FBXL13: variants seen among roughly 807,000 people sequenced by gnomAD.
The protein encoded by FBXL13 is F-box and leucine rich repeat protein 13.
In FBXL13, 67 loss-of-function variants were observed where a neutral mutation model predicts 83.6. That is an observed-to-expected ratio of 0.80 (90% CI 0.66 to 0.98). FBXL13 has a LOEUF of 0.98. FBXL13 is among the 50% of genes least tolerant of loss of function. The probability of loss-of-function intolerance (pLI) is 0.00; values close to 1 mark genes in which losing one functional copy is unlikely to be tolerated. For missense variants in FBXL13, 822 were observed against 866.5 expected (o/e 0.95, Z 0.64); for synonymous variants, 272 against 299.5 (o/e 0.91, Z 0.95).
chr7:102,911,865 TTAAACAAATATGAATGTTAGA>T (rs1814742243), intron 11 of FBXL13, among the ~76,000 whole-genome samples: 1 of 152,166 alleles, frequency 6.6e-6, no homozygotes, highest in Admixed American at 6.5e-5. Context: ...CAGATCAGTT[TTAAACAAATATGAATGTTAGA>T]TGTTTACAGC....
intron 11 of FBXL13, among the ~76,000 whole-genome samples, chr7:102,905,599 C>A (rs1454192723): frequency 1.3e-5 from 2 of 152,034 alleles, no homozygotes; most frequent in Admixed American, 6.6e-5. Context: ...AGAGTTTAGT[C>A]CATTTACATT....
chr7:103,035,137 G>T (rs1024125790), intron 2 of FBXL13, among the ~76,000 whole-genome samples: 1 of 152,208 alleles, frequency 6.6e-6, no homozygotes, highest in African/African-American at 2.4e-5. Flanking sequence ...GCAAGGGAAA[G>T]GAAGAGTATT....
intron 6 of FBXL13, among the ~76,000 whole-genome samples, chr7:102,981,973 G>C (rs568031350): frequency 6.6e-6 from 1 of 152,134 alleles, no homozygotes; most frequent in Admixed American, 6.5e-5. Context: ...GTGAGGCTGA[G>C]GGGGGCAGAT....
intron 1 of FBXL13, among the ~76,000 whole-genome samples, chr7:103,067,788 A>G (rs546841739): frequency 6.6e-6 from 1 of 152,388 alleles, no homozygotes; most frequent in East Asian, 1.9e-4. Context: ...AGGCAATAAT[A>G]AAATGAATAC....
chr7:103,004,102 G>A (rs1376792737), intron 6 of FBXL13, among the ~76,000 whole-genome samples: 5 of 152,184 alleles, frequency 3.3e-5, no homozygotes, highest in Admixed American at 6.5e-5. Flanking sequence ...CCTGTTTGCT[G>A]TTTTTATGAA....
chr7:102,824,785 CT>C (rs57237364), intron 18 of FBXL13, among the ~76,000 whole-genome samples: 192 of 124,062 alleles, frequency 1.5e-3, no homozygotes, highest in Admixed American at 3.9e-3. Context: ...CATGCCCGGC[CT>C]TTTTTTTTTT....
In FBXL13 at chr7:103,028,594, ATTTACT is replaced by A. The variant is rs761120662; in HGVS notation, c.217_217+5del. 1 of 1,555,238 alleles carries A rather than the reference ATTTACT, an allele frequency of 6.4e-7. No individual in the cohort carries two copies. The highest frequency in any genetic ancestry group is 1.3e-5 in the South Asian group (1 of 79,536). On this transcript the variant is annotated splice_donor_variant and splice_donor_5th_base_variant and coding_sequence_variant and intron_variant, in exon 4 of 20. Coordinates refer to ENST00000313221, the Ensembl canonical transcript of FBXL13. LOFTEE classifies it high-confidence loss of function. ...AAAAAGTAATTGCTACTATGTAAGA[ATTTACT>A]TTTAAGTTTTTCTTTCTGGTCTTCC...
intron 6 of FBXL13, among the ~76,000 whole-genome samples, chr7:102,982,406 A>G (rs943024411): frequency 1.3e-5 from 2 of 152,096 alleles, no homozygotes; most frequent in African/African-American, 4.8e-5. Context: ...AGAGTATCAT[A>G]TATTGGACTG....
chr7:102,865,314 A>C (rs1454816405), intron 16 of FBXL13, among the ~76,000 whole-genome samples: 2 of 152,232 alleles, frequency 1.3e-5, no homozygotes, highest in Non-Finnish European at 2.9e-5. Context: ...TCTTTCAGAA[A>C]TAAAGAACAA....
chr7:103,059,060 G>T (rs1049988328), intron 1 of FBXL13, among the ~76,000 whole-genome samples: 4 of 152,192 alleles, frequency 2.6e-5, no homozygotes, highest in South Asian at 4.1e-4. Context: ...AGGAGTTCAG[G>T]ACTACCCGGG....
chr7:102,910,491 C>T (rs979945682), intron 11 of FBXL13, among the ~76,000 whole-genome samples: 1 of 151,680 alleles, frequency 6.6e-6, no homozygotes, highest in Non-Finnish European at 1.5e-5. Context: ...TTCAGCGTGG[C>T]TCGGGCTCCA....
At position 102,912,984 on chromosome 7, in the gene FBXL13, G is replaced by A; in HGVS notation, c.1008+102C>T. 6.9e-6 allele frequency: 10 copies of A among 1,456,986 alleles called. No homozygotes were observed. In the South Asian group the frequency reaches 1.3e-4, roughly 20 times the overall value. The allele number at this position is 1,456,986 out of a possible 1,614,324, so 90.3% of individuals were successfully genotyped here. A position where few individuals can be genotyped will look rare whatever the true frequency, so the allele number is the denominator to read the frequency against. The stretch of plus-strand genomic sequence containing the variant: ...ATTTAAAACCTCTGAAAAGTGTGCT[G>A]CGGTCCGTGCACAGCATTAGTATAA... On this transcript the variant is annotated intron_variant, in intron 11 of 19. Coordinates refer to ENST00000313221, the Ensembl canonical transcript of FBXL13.
chr7:102,898,356 T>A (rs1296527047), intron 11 of FBXL13, among the ~76,000 whole-genome samples: 1 of 152,196 alleles, frequency 6.6e-6, no homozygotes, highest in Non-Finnish European at 1.5e-5. Context: ...CTTCTCTCTT[T>A]TTGAGACAGG....
In FBXL13 at chr7:102,913,225, C is replaced by T; in HGVS notation, c.879-10G>A. On this transcript the variant is annotated splice_polypyrimidine_tract_variant and intron_variant, in intron 10 of 19. Coordinates refer to ENST00000313221, the Ensembl canonical transcript of FBXL13. ...TAAGTTGTGGAAGTGCCTGAAAAGA[C>T]AAAAGAGAGGAAGGAAAGTATTATA... 2.5e-6 allele frequency: 4 copies of T among 1,613,984 alleles called. No individual in the cohort carries two copies. Among genetic ancestry groups the T allele is most frequent in the Non-Finnish European group, 3.4e-6 (4 of 1,179,942 alleles).
At chr7:102,902,088 C>T (rs1350549329) in intron 11 of FBXL13, among the ~76,000 whole-genome samples, 4 of 152,140 alleles carry the variant, frequency 2.6e-5, no homozygotes, top group Admixed American at 2.0e-4. Context: ...ACATCCTCAC[C>T]AGCATTTGTT....
Position 102,926,273 on chromosome 7 carries a change from C to T in FBXL13, c.878+1G>A. The stretch of plus-strand genomic sequence containing the variant: ...TGTCATACAAATAACACAAACATTA[C>T]CTCGGCAGGAGTCGCATCGTCCTGT... On this transcript the variant is annotated splice_donor_variant, in intron 10 of 19. Transcript: ENST00000313221. LOFTEE classifies it high-confidence loss of function. 6.2e-7 allele frequency: 1 copy of T among 1,612,282 alleles called. No homozygotes were observed.
Position 102,944,195 on chromosome 7 carries a change from AT to A in FBXL13, c.725-12263del, listed in dbSNP as rs779000073. On this transcript the variant is annotated intron_variant, in intron 8 of 19. Coordinates refer to ENST00000313221, the Ensembl canonical transcript of FBXL13. ...ACTCAATTACTCAGGCTCAATAAATATTTTCTGTTTCCAGCCGCTTTTTTAG... is the reference window on the plus strand; with the variant it reads ...ACTCAATTACTCAGGCTCAATAAATATTTCTGTTTCCAGCCGCTTTTTTAG... 3.8e-6 allele frequency: 6 copies of A among 1,583,730 alleles called. No homozygotes were observed. The Admixed American group carries it at 1.1e-4, about 28-fold the overall frequency.
chr7:103,071,076 G>A (rs1798903728), intron 1 of FBXL13, among the ~76,000 whole-genome samples: 1 of 152,144 alleles, frequency 6.6e-6, no homozygotes, highest in Admixed American at 6.5e-5. Context: ...GTATTTAAGA[G>A]TAGACTGGAC....
At chr7:103,030,867 TG>T (rs1164921120) in intron 2 of FBXL13, among the ~76,000 whole-genome samples, 6 of 152,216 alleles carry the variant, frequency 3.9e-5, no homozygotes, top group African/African-American at 1.4e-4. Flanking sequence ...GAATTTTTGT[TG>T]TTCTAATATT....
Sources: allele counts gnomAD v4.1 joint callset (sites outside exome capture counted in the v4.1 genomes callset), GRCh38; gene constraint gnomAD v4.1.1; transcripts MANE v1.5; gene names NCBI Gene and HGNC (gene_info 2026-07-23, HGNC 2026-07-21).